Variants in SLC30A7 observed in about 807,000 individuals in gnomAD.
SLC30A7 encodes the protein solute carrier family 30 member 7.
SLC30A7 carries 35 observed loss-of-function variants against 46.0 expected under a neutral mutation model. That is an observed-to-expected ratio of 0.76 (90% CI 0.58 to 1.01). The LOEUF is 1.01. Ranked by LOEUF, SLC30A7 falls within the 50% of genes least tolerant of loss-of-function variation. The probability of loss-of-function intolerance (pLI) is 0.00; values close to 1 mark genes in which losing one functional copy is unlikely to be tolerated. For synonymous variants in SLC30A7, 147 were observed against 157.8 expected, an observed-to-expected ratio of 0.93 and a Z score of 0.51; for missense variants, 464 against 451.1, an observed-to-expected ratio of 1.03 and a Z score of -0.26.
At chr1:100,995,053 T>C in the SLC30A7 span, 2 of 1,207,198 alleles carry the variant, frequency 1.7e-6, no homozygotes, top group Non-Finnish European at 1.2e-6. Context: ...AAGTAGAATG[T>C]ATTGAATTGT....
At chr1:100,902,082 A>C (rs1252792824) in intron 2 of SLC30A7, among the ~76,000 whole-genome samples, 2 of 152,226 alleles carry the variant, frequency 1.3e-5, no homozygotes, top group Non-Finnish European at 2.9e-5. Context: ...GTCAGCAGAG[A>C]GCTAAAAGTA....
At chr1:100,958,888 A>G (rs556482366) in intron 8 of SLC30A7, among the ~76,000 whole-genome samples, 1 of 152,296 alleles carries the variant, frequency 6.6e-6, no homozygotes, top group Admixed American at 6.5e-5. Flanking sequence ...GGTAGCACAG[A>G]TTTTTTTCAT....
At chr1:100,964,306 AC>A (rs1477076179) in intron 9 of SLC30A7, among the ~76,000 whole-genome samples, 2 of 142,502 alleles carry the variant, frequency 1.4e-5, no homozygotes, top group East Asian at 3.9e-4. Context: ...AACTTATGTA[AC>A]CTATATATGT....
intron 8 of SLC30A7, among the ~76,000 whole-genome samples, chr1:100,923,661 T>G (rs1653103448): frequency 6.6e-6 from 1 of 152,082 alleles, no homozygotes; most frequent in Non-Finnish European, 1.5e-5. Context: ...TACCTATAGT[T>G]GCAGCTACTT....
chr1:100,928,975 C>G (rs893194140), intron 8 of SLC30A7, among the ~76,000 whole-genome samples: 1 of 152,026 alleles, frequency 6.6e-6, no homozygotes, highest in Admixed American at 6.6e-5. Context: ...GGCTTAGATT[C>G]AATGGTAATA....
Position 100,975,924 on chromosome 1 carries a change from T to C in SLC30A7, c.*1067T>C, listed in dbSNP as rs1044941475. 6.6e-6 allele frequency: 1 copy of C among 152,424 alleles called. No homozygotes were observed. Among genetic ancestry groups the C allele is most frequent in the African/African-American group, 2.4e-5 (1 of 41,368 alleles). The allele number at this position is 152,424 out of a possible 1,614,324, so 9.4% of individuals were successfully genotyped here. On this transcript the variant is annotated 3_prime_UTR_variant, in exon 11 of 11. Transcript: ENST00000357650. ...TTGCCAGTAATGTATACAAATTGTC[T>C]TTTTGTGTACTTCCAGCATAGGTTT...
At chr1:100,933,904 T>G (rs1484584506) in intron 8 of SLC30A7, among the ~76,000 whole-genome samples, 1 of 152,262 alleles carries the variant, frequency 6.6e-6, no homozygotes, top group Non-Finnish European at 1.5e-5. Context: ...GTTTCTTCCA[T>G]GAAGCCTTTT....
intron 8 of SLC30A7, chr1:100,940,905 A>G (rs1457705152): frequency 5.6e-6 from 2 of 359,262 alleles, no homozygotes; most frequent in African/African-American, 2.2e-5. Flanking sequence ...TGTAGCAGCT[A>G]GGCCCTGCCA....
intron 8 of SLC30A7, among the ~76,000 whole-genome samples, chr1:100,922,207 C>T (rs907766916): frequency 1.3e-5 from 2 of 152,056 alleles, no homozygotes; most frequent in Non-Finnish European, 2.9e-5. Context: ...CTCAGGTGAT[C>T]CACCTGCCTC....
At chr1:100,992,960 AATG>A in the SLC30A7 span, among the ~76,000 whole-genome samples, 1 of 152,204 alleles carries the variant, frequency 6.6e-6, no homozygotes, top group East Asian at 1.9e-4. Flanking sequence ...ATCTCACTGA[AATG>A]ATGGCAGGAA....
At chr1:100,909,522 G>A (rs536017855) in intron 3 of SLC30A7, among the ~76,000 whole-genome samples, 1 of 151,994 alleles carries the variant, frequency 6.6e-6, no homozygotes, top group African/African-American at 2.4e-5. Flanking sequence ...TACTTAATTA[G>A]GCAACAGCAC....
At chr1:100,970,359 T>C (rs946130163) in intron 10 of SLC30A7, among the ~76,000 whole-genome samples, 3 of 152,278 alleles carry the variant, frequency 2.0e-5, no homozygotes, top group Admixed American at 6.5e-5. Flanking sequence ...ATTTGGTTAA[T>C]AAAACTATAG....
intron 8 of SLC30A7, among the ~76,000 whole-genome samples, chr1:100,946,195 TG>T (rs375929144): frequency 0.038 from 5,829 of 152,256 alleles, 385 homozygotes; most frequent in African/African-American, 0.13. Flanking sequence ...GCTGAGATGA[TG>T]GGAGTTTTCT....
chr1:100,932,626 T>C (rs1653726464), intron 8 of SLC30A7, among the ~76,000 whole-genome samples: 1 of 152,198 alleles, frequency 6.6e-6, no homozygotes, highest in Non-Finnish European at 1.5e-5. Context: ...TTATGCCTTA[T>C]CATTGTTTGA....
In SLC30A7 at chr1:100,975,030, G is replaced by C. The variant is rs931684239; in HGVS notation, c.*173G>C. Reference sequence around the variant, plus strand: ...CTTTGTGGGGAGTTCACAGCTAAGGGATCAGATTTAAGAGGATATCTCCTG... The same window carrying C: ...CTTTGTGGGGAGTTCACAGCTAAGGCATCAGATTTAAGAGGATATCTCCTG... On this transcript the variant is annotated 3_prime_UTR_variant, in exon 11 of 11. Transcript: ENST00000357650. The C allele has an allele frequency of 2.3e-6, 1 of 430,956 alleles. No individual in the cohort carries two copies. The allele number at this position is 430,956 out of a possible 1,614,324, so 26.7% of individuals were successfully genotyped here.
intron 8 of SLC30A7, among the ~76,000 whole-genome samples, chr1:100,930,966 T>C (rs1653629741): frequency 6.6e-6 from 1 of 152,164 alleles, no homozygotes; most frequent in African/African-American, 2.4e-5. Flanking sequence ...TTCTTACCTA[T>C]GTATCTAGAA....
At chr1:100,932,481 A>G (rs893299659) in intron 8 of SLC30A7, among the ~76,000 whole-genome samples, 32 of 152,168 alleles carry the variant, frequency 2.1e-4, no homozygotes, top group African/African-American at 7.2e-4. Context: ...TGATATTTCT[A>G]TTACAAAGCA....
At chr1:100,993,496 G>A in the SLC30A7 span, among the ~76,000 whole-genome samples, 2 of 145,782 alleles carry the variant, frequency 1.4e-5, no homozygotes, top group Non-Finnish European at 3.0e-5. Context: ...AGGTTGCAGC[G>A]AGCTGAGATG....
rs751436232 is a variant in SLC30A7, at chr1:100,913,800, T to C, written c.649T>C (p.Ser217Pro). ...DHAHGHGHFH[S>P]HDGPSLKETT... is the part of the protein sequence containing the mutation. ...TGCTCATGGACATGGACACTTTCAT[T>C]CTCATGGTGAGTACAGCCTAGAGAC... Residue 217 changes from serine to proline, a missense_variant, in exon 6 of 11, where the codon TCT becomes CCT. Physicochemically the swap from Ser to Pro is moderately conservative, Grantham distance 74 (BLOSUM62 -1). Coordinates refer to ENST00000357650, the MANE Select transcript of SLC30A7 (RefSeq NM_133496.5). 2.5e-6 allele frequency: 4 copies of C among 1,613,852 alleles called. No individual in the cohort carries two copies. The highest frequency in any genetic ancestry group is 3.4e-6 in the Non-Finnish European group (4 of 1,179,822).
Sources: allele counts gnomAD v4.1 joint callset (sites outside exome capture counted in the v4.1 genomes callset), GRCh38; gene constraint gnomAD v4.1.1; transcripts MANE v1.5; gene names NCBI Gene and HGNC (gene_info 2026-07-23, HGNC 2026-07-21).